CRPPA: variants seen among roughly 807,000 people sequenced by gnomAD.
The protein encoded by CRPPA is D-ribitol-5-phosphate cytidylyltransferase.
CRPPA carries 43 observed loss-of-function variants against 52.0 expected under a neutral mutation model. The ratio of observed to expected loss-of-function variants is 0.83; its 90% CI spans 0.65 to 1.07. The LOEUF is 1.07. Among genes scored for constraint, CRPPA ranks in the 50% least tolerant of loss-of-function variants. The pLI, the probability that CRPPA is intolerant of heterozygous loss-of-function variation, is 0.00. For synonymous variants in CRPPA, 250 were observed against 203.5 expected (o/e 1.23, Z -1.94); for missense variants, 629 against 551.7 (o/e 1.14, Z -1.40).
chr7:16,182,129 A>G (rs1011134665), intron 9 of CRPPA, among the ~76,000 whole-genome samples: 2 of 152,068 alleles, frequency 1.3e-5, no homozygotes, highest in Non-Finnish European at 2.9e-5. Context: ...ATCTCTTTGC[A>G]TCTGGCTGAA....
chr7:16,165,375 A>G (rs1781032593), intron 9 of CRPPA, among the ~76,000 whole-genome samples: 1 of 152,200 alleles, frequency 6.6e-6, no homozygotes, highest in South Asian at 2.1e-4. Flanking sequence ...AGCTTAATAT[A>G]TTTACATTTG....
chr7:16,278,397 G>A (rs1369888016), intron 5 of CRPPA, among the ~76,000 whole-genome samples, 171 bp from the exon 6 acceptor site: 1 of 152,176 alleles, frequency 6.6e-6, no homozygotes, highest in African/African-American at 2.4e-5. Context: ...CCTTGATTCA[G>A]TTTACTACCC....
chr7:16,193,461 C>A (rs924635163), intron 9 of CRPPA, among the ~76,000 whole-genome samples: 2 of 152,048 alleles, frequency 1.3e-5, no homozygotes, highest in African/African-American at 2.4e-5. Context: ...ACATAAATTA[C>A]TTCTAAGGTA....
chr7:16,416,243 T>A (rs1346387373), intron 1 of CRPPA, among the ~76,000 whole-genome samples: 1 of 152,040 alleles, frequency 6.6e-6, no homozygotes, highest in Non-Finnish European at 1.5e-5. Context: ...GAAATAAAGT[T>A]GCCAAAAATA....
intron 9 of CRPPA, among the ~76,000 whole-genome samples, chr7:16,208,587 C>T (rs774828586): frequency 5.9e-5 from 9 of 152,180 alleles, no homozygotes; most frequent in East Asian, 3.9e-4. Context: ...GCATGGCAGG[C>T]GGGGTGAACA....
intron 2 of CRPPA, among the ~76,000 whole-genome samples, chr7:16,396,979 C>T (rs747129889): frequency 3.9e-5 from 6 of 152,178 alleles, no homozygotes; most frequent in Non-Finnish European, 8.8e-5. Flanking sequence ...ACACTGGTGA[C>T]ATGTGTGACA....
At chr7:16,369,798 T>C (rs775675556) in intron 3 of CRPPA, among the ~76,000 whole-genome samples, 4 of 151,904 alleles carry the variant, frequency 2.6e-5, no homozygotes, top group Non-Finnish European at 5.9e-5. Flanking sequence ...CAATAGGAAC[T>C]TAACAGGAAA....
intron 8 of CRPPA, among the ~76,000 whole-genome samples, chr7:16,234,860 G>T (rs1012282695): frequency 2.0e-5 from 3 of 151,830 alleles, no homozygotes; most frequent in African/African-American, 4.9e-5. Flanking sequence ...GGAGAGTTTG[G>T]CAAGTAAACA....
At chr7:16,283,625 T>C (rs1327008263) in intron 5 of CRPPA, among the ~76,000 whole-genome samples, 1 of 151,624 alleles carries the variant, frequency 6.6e-6, no homozygotes, top group Non-Finnish European at 1.5e-5. Flanking sequence ...TGAAATGGAA[T>C]AATTTTGGGG....
rs79379811 is a variant in CRPPA, at chr7:16,327,012, C to G, written c.685-18385G>C. Among the ~76,000 whole-genome samples the G allele has an allele frequency of 5.2e-3, 793 of 152,248 alleles. 8 individuals are homozygous for G. The highest frequency in any genetic ancestry group is 0.019 in the African/African-American group (771 of 41,544). On this transcript the variant is annotated intron_variant, in intron 3 of 9. Transcript: ENST00000407010. ...GTCTTACCATCTTTCCATGTTAGAA[C>G]AGTGAAAATTAGTGTCTGGAGTAAG...
intron 9 of CRPPA, among the ~76,000 whole-genome samples, chr7:16,176,608 T>A (rs962852742): frequency 2.6e-5 from 4 of 152,112 alleles, no homozygotes; most frequent in African/African-American, 9.7e-5. Flanking sequence ...AGTAAAACAG[T>A]TTAGGAGTTT....
chr7:16,371,696 G>A lies in CRPPA; in HGVS notation c.684+4396C>T, dbSNP rs549594276. 2.0e-5 allele frequency among the ~76,000 whole-genome samples: 3 copies of A among 151,576 alleles called. No homozygotes were observed. The East Asian group carries it at 5.8e-4, about 29-fold the overall frequency. On this transcript the variant is annotated intron_variant, in intron 3 of 9. Coordinates refer to ENST00000407010, the MANE Select transcript of CRPPA (RefSeq NM_001101426.4). ...AGAACACACTAGATCCCAAGCAATG[G>A]ATACAAACCAAGATGAAATCTCTGA...
At chr7:16,225,976 CA>C (rs1373547343) in intron 8 of CRPPA, among the ~76,000 whole-genome samples, 1 of 151,822 alleles carries the variant, frequency 6.6e-6, no homozygotes, top group African/African-American at 2.4e-5. Flanking sequence ...AAAAAATATT[CA>C]AAAACATGAC....
chr7:16,292,530 T>C (rs769196504), intron 5 of CRPPA, among the ~76,000 whole-genome samples: 24 of 152,126 alleles, frequency 1.6e-4, no homozygotes, highest in South Asian at 4.1e-4. Flanking sequence ...AAGGAATACC[T>C]AGTTTGAAAT....
intron 2 of CRPPA, among the ~76,000 whole-genome samples, chr7:16,392,574 A>G (rs189314087): frequency 5.3e-5 from 8 of 151,922 alleles, no homozygotes; most frequent in Non-Finnish European, 8.8e-5. Context: ...GGGTAGATGC[A>G]CTCCCTCCGG....
At chr7:16,217,141 C>A (rs1244541759) in intron 8 of CRPPA, among the ~76,000 whole-genome samples, 5 of 147,144 alleles carry the variant, frequency 3.4e-5, no homozygotes, top group Admixed American at 6.8e-5. Context: ...CCCCTGACCC[C>A]CGAGCAGCCT....
At chr7:16,362,625 T>G (rs968622499) in intron 3 of CRPPA, among the ~76,000 whole-genome samples, 5 of 152,182 alleles carry the variant, frequency 3.3e-5, no homozygotes, top group Admixed American at 2.0e-4. Flanking sequence ...GAGAGAATTA[T>G]TTGCCTGGAC....
intron 5 of CRPPA, among the ~76,000 whole-genome samples, chr7:16,287,636 G>A (rs1183570744): frequency 2.0e-5 from 3 of 152,080 alleles, no homozygotes; most frequent in Non-Finnish European, 4.4e-5. Flanking sequence ...TATTGGCTGG[G>A]CACGGTGGCA....
intron 2 of CRPPA, among the ~76,000 whole-genome samples, chr7:16,392,396 T>C (rs941691189): frequency 5.3e-5 from 8 of 152,136 alleles, no homozygotes; most frequent in African/African-American, 1.9e-4. Context: ...TAGTCTTACA[T>C]TCTTCATATT....
Sources: allele counts gnomAD v4.1 joint callset (sites outside exome capture counted in the v4.1 genomes callset), GRCh38; gene constraint gnomAD v4.1.1; transcripts MANE v1.5; gene names NCBI Gene and HGNC (gene_info 2026-07-23, HGNC 2026-07-21).